ANKRD6: variants seen among roughly 807,000 people sequenced by gnomAD.
The protein encoded by ANKRD6 is ankyrin repeat domain-containing protein 6.
A neutral mutation model predicts 82.3 loss-of-function variants in ANKRD6; 56 were observed. The observed-to-expected ratio is 0.68, with a 90% CI of 0.55 to 0.85. The LOEUF is 0.85. ANKRD6 is among the 40% of genes least tolerant of loss of function. ANKRD6 has a pLI of 0.00. For synonymous variants in ANKRD6, 347 were observed against 352.1 expected (o/e 0.99, Z 0.16); for missense variants, 852 against 907.6 (o/e 0.94, Z 0.79).
chr6:89,464,771 G>A (rs1774630764), intron 1 of ANKRD6, among the ~76,000 whole-genome samples: 1 of 152,232 alleles, frequency 6.6e-6, no homozygotes, highest in Admixed American at 6.5e-5. Flanking sequence ...AGGGGTTATT[G>A]ATGGGACCTA....
At chr6:89,553,527 T>G (rs962931471) in intron 1 of ANKRD6, among the ~76,000 whole-genome samples, 1 of 152,234 alleles carries the variant, frequency 6.6e-6, no homozygotes, top group African/African-American at 2.4e-5. Context: ...TATTCAGGAC[T>G]ATGTTTGCAG....
chr6:89,613,926 C>G, intron 7 of ANKRD6, 36 bp downstream of exon 7: 1 of 1,605,010 alleles, frequency 6.2e-7, no homozygotes, highest in Non-Finnish European at 8.5e-7. Context: ...CTGCCAGCAC[C>G]CTTCCCACAA....
chr6:89,562,055 T>C (rs1239400641), intron 1 of ANKRD6, among the ~76,000 whole-genome samples: 1 of 152,216 alleles, frequency 6.6e-6, no homozygotes, highest in Non-Finnish European at 1.5e-5. Flanking sequence ...GTGGGGATAT[T>C]GGCTCAAGTC....
intron 1 of ANKRD6, among the ~76,000 whole-genome samples, chr6:89,490,356 A>G (rs1290907628): frequency 1.3e-5 from 2 of 152,260 alleles, no homozygotes; most frequent in African/African-American, 4.8e-5. Flanking sequence ...GGTGTTGTGT[A>G]GTACACAAAT....
At chr6:89,440,162 A>T (rs1031515491) in intron 1 of ANKRD6, among the ~76,000 whole-genome samples, 1 of 152,216 alleles carries the variant, frequency 6.6e-6, no homozygotes, top group Non-Finnish European at 1.5e-5. Flanking sequence ...TAACATGCAT[A>T]TTTCATATAT....
intron 14 of ANKRD6, 140 bp downstream of exon 14, chr6:89,627,836 A>T: frequency 1.2e-5 from 8 of 665,610 alleles, no homozygotes; most frequent in Non-Finnish European, 1.8e-5. Flanking sequence ...TTTTTATGAT[A>T]CTGAAATGAG....
At chr6:89,439,492 C>T (rs565505043) in intron 1 of ANKRD6, among the ~76,000 whole-genome samples, 2 of 152,184 alleles carry the variant, frequency 1.3e-5, no homozygotes, top group East Asian at 1.9e-4. Context: ...CAAGAGGGTG[C>T]ACAGCATCAA....
At chr6:89,619,003 A>G (rs1400691340) in intron 9 of ANKRD6, among the ~76,000 whole-genome samples, 3 of 151,782 alleles carry the variant, frequency 2.0e-5, no homozygotes, top group African/African-American at 4.8e-5. Flanking sequence ...CCCTGCTGCA[A>G]AATAACCCGA....
At chr6:89,442,459 TA>T (rs34314408) in intron 1 of ANKRD6, among the ~76,000 whole-genome samples, 9,157 of 141,968 alleles carry the variant, frequency 0.065, 284 homozygotes, top group South Asian at 0.15. Flanking sequence ...GCCCATCTAT[TA>T]AAAAAAAAAA....
intron 1 of ANKRD6, among the ~76,000 whole-genome samples, chr6:89,503,962 A>G (rs900409879): frequency 2.0e-5 from 3 of 151,974 alleles, no homozygotes; most frequent in African/African-American, 7.3e-5. Flanking sequence ...GTAAGTGGGG[A>G]GCAGACGCTG....
chr6:89,488,291 A>G (rs970276593), intron 1 of ANKRD6, among the ~76,000 whole-genome samples: 3 of 152,232 alleles, frequency 2.0e-5, no homozygotes, highest in Non-Finnish European at 2.9e-5. Context: ...TTTAATACAC[A>G]TGACATAATG....
intron 2 of ANKRD6, among the ~76,000 whole-genome samples, chr6:89,570,280 C>T (rs941398991): frequency 6.6e-6 from 1 of 151,962 alleles, no homozygotes; most frequent in African/African-American, 2.4e-5. Context: ...AGGCTGGTCT[C>T]GAACTCCTGG....
At chr6:89,475,971 A>G (rs1775984285) in intron 1 of ANKRD6, among the ~76,000 whole-genome samples, 1 of 152,184 alleles carries the variant, frequency 6.6e-6, no homozygotes, top group Admixed American at 6.5e-5. Flanking sequence ...GCTGTTTTAG[A>G]CAGTGTGAAA....
At chr6:89,625,908 T>A (rs1478836360) in intron 13 of ANKRD6, among the ~76,000 whole-genome samples, 2 of 152,000 alleles carry the variant, frequency 1.3e-5, no homozygotes, top group Non-Finnish European at 2.9e-5. Flanking sequence ...AATTTTTGTA[T>A]TTTTTTGGTA....
At chr6:89,624,169 CA>C in intron 12 of ANKRD6, 112 bp downstream of exon 12, 1 of 1,277,652 alleles carries the variant, frequency 7.8e-7, no homozygotes, top group Non-Finnish European at 1.1e-6. Context: ...TAGTTGAGCA[CA>C]AGCTTTGAAG....
intron 1 of ANKRD6, among the ~76,000 whole-genome samples, chr6:89,528,892 T>A (rs1414516257): frequency 2.0e-5 from 3 of 152,242 alleles, no homozygotes; most frequent in Admixed American, 6.5e-5. Flanking sequence ...AATCTTGTTA[T>A]CTGAGCAGTA....
At chr6:89,481,863 T>G (rs1392858556) in intron 1 of ANKRD6, among the ~76,000 whole-genome samples, 1 of 152,214 alleles carries the variant, frequency 6.6e-6, no homozygotes, top group Admixed American at 6.5e-5. Flanking sequence ...ATTCACTGCC[T>G]TCTACTATGT....
At chr6:89,510,758 A>C (rs539479932) in intron 1 of ANKRD6, among the ~76,000 whole-genome samples, 4 of 152,212 alleles carry the variant, frequency 2.6e-5, no homozygotes, top group African/African-American at 9.6e-5. Flanking sequence ...CCTTTTCTGG[A>C]CATTTTATAT....
chr6:89,567,841 C>T (rs1315334660), intron 2 of ANKRD6, among the ~76,000 whole-genome samples: 2 of 152,150 alleles, frequency 1.3e-5, no homozygotes, highest in African/African-American at 4.8e-5. Flanking sequence ...GTCCCTCAGC[C>T]GCTGAGTGGT....
Sources: allele counts gnomAD v4.1 joint callset (sites outside exome capture counted in the v4.1 genomes callset), GRCh38; gene constraint gnomAD v4.1.1; transcripts MANE v1.5; gene names NCBI Gene and HGNC (gene_info 2026-07-23, HGNC 2026-07-21).